Variants in BMPR1B observed in about 807,000 individuals in gnomAD.
The protein encoded by BMPR1B is bone morphogenetic protein receptor type 1B, also known as bone morphogenetic protein receptor type-1B.
A neutral mutation model predicts 59.1 loss-of-function variants in BMPR1B; 12 were observed. That is an observed-to-expected ratio of 0.20 (90% CI 0.13 to 0.33). The LOEUF is 0.33. Ranked by LOEUF, BMPR1B falls within the 10% of genes least tolerant of loss-of-function variation. The pLI, the probability that BMPR1B is intolerant of heterozygous loss-of-function variation, is 1.00. For synonymous variants in BMPR1B, 237 were observed against 207.3 expected (o/e 1.14, Z -1.23); for missense variants, 550 against 610.9 (o/e 0.90, Z 1.05).
Position 95,125,033 on chromosome 4 carries a change from A to T in BMPR1B, c.497A>T (p.Asp166Val), listed in dbSNP as rs781670372. The part of the protein sequence containing the change: ...RPRYSIGLEQ[D>V]ETYIPPGESL... ...CGATACAGCATTGGGTTAGAACAGG[A>T]TGAAACTTACATTCCTCCTGGAGAA... The change falls in exon 8 of 13, where the codon GAT becomes GTT. Residue 166 changes from aspartate (D) to valine (V), a missense_variant. Asp to Val is a radical substitution (Grantham distance 152, BLOSUM62 -3). Around this residue, in one of 6 missense-constraint regions of BMPR1B, gnomAD observed 318 missense variants for 284.6 expected, o/e 1.12. Coordinates refer to ENST00000515059, the MANE Select transcript of BMPR1B (RefSeq NM_001203.3). The T allele has an allele frequency of 3.1e-6, 5 of 1,613,662 alleles. No homozygotes were observed. The highest frequency in any genetic ancestry group is 3.3e-5 in the Admixed American group (2 of 59,940).
At chr4:94,929,781 A>G (rs1051124334) in intron 2 of BMPR1B, among the ~76,000 whole-genome samples, 16 of 151,940 alleles carry the variant, frequency 1.1e-4, no homozygotes, top group African/African-American at 3.6e-4. Flanking sequence ...CTCACGTCCT[A>G]TGATTTCTGC....
chr4:94,932,419 T>G (rs1729125504), intron 2 of BMPR1B, among the ~76,000 whole-genome samples: 1 of 152,190 alleles, frequency 6.6e-6, no homozygotes, highest in African/African-American at 2.4e-5. Context: ...AGGGAGTAAC[T>G]GCATCTTTTG....
chr4:94,860,674 A>G (rs1416487636), intron 1 of BMPR1B, among the ~76,000 whole-genome samples: 2 of 152,186 alleles, frequency 1.3e-5, no homozygotes, highest in East Asian at 1.9e-4. Flanking sequence ...TCCCCTGTCA[A>G]TAAGCATTGA....
chr4:95,033,849 C>T (rs1321237178), intron 3 of BMPR1B, among the ~76,000 whole-genome samples: 1 of 151,996 alleles, frequency 6.6e-6, no homozygotes, highest in African/African-American at 2.4e-5. Context: ...ACAGTCACTC[C>T]CTCCCACCCC....
At chr4:94,817,511 C>T (rs1487859766) in intron 1 of BMPR1B, among the ~76,000 whole-genome samples, 1 of 151,974 alleles carries the variant, frequency 6.6e-6, no homozygotes, top group African/African-American at 2.4e-5. Flanking sequence ...AGCCTTAGAG[C>T]CTCCTTTTTT....
intron 1 of BMPR1B, among the ~76,000 whole-genome samples, chr4:94,802,089 C>T (rs1250661303): frequency 6.6e-6 from 1 of 152,026 alleles, no homozygotes; most frequent in Non-Finnish European, 1.5e-5. Flanking sequence ...GAATAGTTTC[C>T]CTGGGGGCAA....
chr4:95,041,491 G>A (rs1418614349), intron 3 of BMPR1B, among the ~76,000 whole-genome samples: 4 of 152,072 alleles, frequency 2.6e-5, no homozygotes, highest in Admixed American at 6.5e-5. Context: ...TACAGATTTG[G>A]AATTTAGAAT....
intron 3 of BMPR1B, among the ~76,000 whole-genome samples, chr4:95,019,764 A>C (rs1214250728): frequency 6.6e-6 from 1 of 152,190 alleles, no homozygotes; most frequent in Non-Finnish European, 1.5e-5. Flanking sequence ...AAATAGCACT[A>C]GGGCCAATTT....
At chr4:95,081,318 G>A (rs897362969) in intron 3 of BMPR1B, among the ~76,000 whole-genome samples, 1 of 152,114 alleles carries the variant, frequency 6.6e-6, no homozygotes, top group Non-Finnish European at 1.5e-5. Flanking sequence ...GGTGTCTTGA[G>A]ACTTCATTAA....
intron 3 of BMPR1B, among the ~76,000 whole-genome samples, chr4:95,085,709 TTGA>T (rs1729522718): frequency 6.6e-6 from 1 of 152,198 alleles, no homozygotes; most frequent in Non-Finnish European, 1.5e-5. Context: ...TCAGCCAGTC[TTGA>T]TGTTGCAGCG....
At chr4:94,974,186 ATTG>A (rs1730921502) in intron 2 of BMPR1B, among the ~76,000 whole-genome samples, 1 of 152,074 alleles carries the variant, frequency 6.6e-6, no homozygotes, top group Non-Finnish European at 1.5e-5. Flanking sequence ...TCTTCTGTGT[ATTG>A]TATGATCTTG....
intron 2 of BMPR1B, among the ~76,000 whole-genome samples, chr4:94,934,335 T>G (rs1365135654): frequency 2.0e-5 from 3 of 152,096 alleles, no homozygotes; most frequent in African/African-American, 7.2e-5. Flanking sequence ...TCCTAATCAC[T>G]TGAAATAGCA....
intron 1 of BMPR1B, among the ~76,000 whole-genome samples, chr4:94,799,883 G>A (rs759359944): frequency 6.6e-6 from 1 of 151,850 alleles, no homozygotes; most frequent in Non-Finnish European, 1.5e-5. Flanking sequence ...TAGAGATGGA[G>A]TTTCACCATG....
In BMPR1B at chr4:95,131,471, T is replaced by A. The variant is rs760647140; in HGVS notation, c.1035T>A (p.Thr345=). ...SKNILVKKNG[T]CCIADLGLAV... Reference sequence around the variant, plus strand: ...ACATTCTGGTGAAGAAAAATGGAACTTGCTGTATTGCTGACCTGGGCCTGG... The same window carrying A: ...ACATTCTGGTGAAGAAAAATGGAACATGCTGTATTGCTGACCTGGGCCTGG... Residue 345 remains threonine (T), a synonymous_variant, in exon 10 of 13, where the codon ACT becomes ACA. Transcript: ENST00000515059. The A allele has an allele frequency of 5.0e-6, 8 of 1,614,114 alleles. No homozygotes were observed. In the Admixed American group the frequency reaches 1.3e-4, roughly 27 times the overall value.
intron 3 of BMPR1B, among the ~76,000 whole-genome samples, chr4:95,041,324 C>T (rs780178940): frequency 6.6e-6 from 1 of 152,122 alleles, no homozygotes; most frequent in South Asian, 2.1e-4. Flanking sequence ...GCTGGAATTA[C>T]AGGTGTGAGC....
At chr4:95,083,441 T>G (rs1490752725) in intron 3 of BMPR1B, among the ~76,000 whole-genome samples, 1 of 152,166 alleles carries the variant, frequency 6.6e-6, no homozygotes, top group East Asian at 1.9e-4. Flanking sequence ...ACAGTGTTTT[T>G]CAAACCTTAG....
rs187254283 is a variant in BMPR1B, at chr4:94,921,878, G to T, written c.-113+45978G>T. ...AGTCCTTTTTTTGTAATCTAAATATGTTCATCTTTAAAAGAAGATCCTAAT... is the reference window on the plus strand; with the variant it reads ...AGTCCTTTTTTTGTAATCTAAATATTTTCATCTTTAAAAGAAGATCCTAAT... On this transcript the variant is annotated intron_variant, in intron 2 of 12. Coordinates refer to ENST00000515059, the MANE Select transcript of BMPR1B (RefSeq NM_001203.3). Among the ~76,000 whole-genome samples, 493 of 151,940 alleles carry T rather than the reference G, an allele frequency of 3.2e-3. 3 individuals carry two copies. Among genetic ancestry groups the T allele is most frequent in the Middle Eastern group, 0.01 (3 of 292 alleles).
chr4:94,762,200 G>A (rs76578587), intron 1 of BMPR1B, among the ~76,000 whole-genome samples: 6,899 of 152,054 alleles, frequency 0.045, 233 homozygotes, highest in South Asian at 0.1. Flanking sequence ...TACTCTGTGT[G>A]TGGCACTGTT....
intron 2 of BMPR1B, among the ~76,000 whole-genome samples, chr4:94,978,380 G>A (rs752536155): frequency 2.6e-5 from 4 of 152,194 alleles, no homozygotes; most frequent in Non-Finnish European, 1.5e-5. Flanking sequence ...AACAGTGACA[G>A]GCTGAATCAG....
Sources: gnomAD v4.1 joint callset for allele counts (sites outside exome capture counted in the v4.1 genomes callset) on GRCh38, gnomAD v4.1.1 for gene constraint, gnomAD v4.1.1 regional missense constraint, MANE v1.5 for transcripts, NCBI Gene and HGNC (gene_info 2026-07-23, HGNC 2026-07-21) for gene names.